The following SLC8A1 variants were observed in gnomAD, a reference collection of about 807,000 sequenced individuals.
SLC8A1 encodes solute carrier family 8 member A1.
A neutral mutation model predicts 68.3 loss-of-function variants in SLC8A1; 18 were observed. The ratio of observed to expected loss-of-function variants is 0.26; its 90% CI spans 0.18 to 0.39. The LOEUF (loss-of-function observed/expected upper bound fraction) is 0.39, where lower values mean the gene tolerates loss of function less well. Among genes scored for constraint, SLC8A1 ranks in the 10% least tolerant of loss-of-function variants. The probability of loss-of-function intolerance (pLI) is 1.00; values close to 1 mark genes in which losing one functional copy is unlikely to be tolerated. For missense variants in SLC8A1, 985 were observed against 1,156.7 expected (o/e 0.85, Z 2.15); for synonymous variants, 475 against 415.5 (o/e 1.14, Z -1.74).
chr2:40,321,508 C>A (rs1172923038), intron 2 of SLC8A1, among the ~76,000 whole-genome samples: 4 of 151,970 alleles, frequency 2.6e-5, no homozygotes, highest in Non-Finnish European at 4.4e-5. Flanking sequence ...TAAAGACATA[C>A]CCGAGACTGG....
intron 2 of SLC8A1, among the ~76,000 whole-genome samples, chr2:40,198,416 G>C (rs2053499573): frequency 6.6e-6 from 1 of 151,890 alleles, no homozygotes; most frequent in African/African-American, 2.4e-5. Context: ...TATTTATTTA[G>C]TGTGCTCTCT....
At chr2:40,358,839 T>C (rs898022105) in intron 2 of SLC8A1, among the ~76,000 whole-genome samples, 2 of 152,182 alleles carry the variant, frequency 1.3e-5, no homozygotes, top group Non-Finnish European at 2.9e-5. Context: ...CACTGAAGCG[T>C]GCACTCTGAA....
At chr2:40,320,299 G>C (rs187854914) in intron 2 of SLC8A1, among the ~76,000 whole-genome samples, 295 of 151,858 alleles carry the variant, frequency 1.9e-3, no homozygotes, top group African/African-American at 6.7e-3. Flanking sequence ...TTAAAATATA[G>C]ATTAAATATT....
intron 1 of SLC8A1, among the ~76,000 whole-genome samples, chr2:40,459,248 G>A (rs995425247): frequency 1.3e-5 from 2 of 152,170 alleles, no homozygotes; most frequent in African/African-American, 4.8e-5. Context: ...GAATAGAAAG[G>A]TTTAGGGAAA....
rs1011073451 is a variant in SLC8A1 at position 40,359,251 on chromosome 2, A to G, written c.1808+69222T>C. ...TCTCTCAATTTCATACATCGATTAC[A>G]TACTGAAATGACATTTTGGACATTT... On this transcript the variant is annotated intron_variant, in intron 2 of 7. Coordinates refer to ENST00000406785, the Ensembl canonical transcript of SLC8A1. Among the ~76,000 whole-genome samples the G allele has an allele frequency of 4.6e-5, 7 of 152,168 alleles. 1 individual carries two copies. The highest frequency in any genetic ancestry group is 2.6e-4 in the Admixed American group (4 of 15,266).
chr2:40,313,561 T>C (rs1006131522), intron 2 of SLC8A1, among the ~76,000 whole-genome samples: 12 of 151,998 alleles, frequency 7.9e-5, no homozygotes, highest in African/African-American at 2.2e-4. Context: ...TTTATAAATA[T>C]TTGGTGTGGT....
intron 6 of SLC8A1, among the ~76,000 whole-genome samples, chr2:40,157,559 C>T (rs2044783078): frequency 6.6e-6 from 1 of 152,188 alleles, no homozygotes; most frequent in Non-Finnish European, 1.5e-5. Context: ...TCTTCTCTGA[C>T]ACACTTGTTT....
At chr2:40,500,744 A>G (rs532607375) in intron 1 of SLC8A1, among the ~76,000 whole-genome samples, 20 of 145,964 alleles carry the variant, frequency 1.4e-4, no homozygotes, top group Non-Finnish European at 2.1e-4. Flanking sequence ...AATTGTTCTG[A>G]TAATCAATTA....
At chr2:40,273,787 A>G (rs560060966) in intron 2 of SLC8A1, among the ~76,000 whole-genome samples, 1 of 152,184 alleles carries the variant, frequency 6.6e-6, no homozygotes, top group East Asian at 1.9e-4. Context: ...AACTCCCGAT[A>G]AGGCACTCAC....
intron 1 of SLC8A1, among the ~76,000 whole-genome samples, chr2:40,510,218 G>C (rs894605335): frequency 1.3e-5 from 2 of 152,054 alleles, no homozygotes; most frequent in African/African-American, 4.8e-5. Flanking sequence ...AGATTTTCTA[G>C]ATGTATAGTC....
At chr2:40,137,241 AG>A (rs2040676200) in intron 7 of SLC8A1, among the ~76,000 whole-genome samples, 1 of 152,238 alleles carries the variant, frequency 6.6e-6, no homozygotes, top group Non-Finnish European at 1.5e-5. Flanking sequence ...ATTTAGAAAA[AG>A]CCAGCTTGAG....
intron 1 of SLC8A1, among the ~76,000 whole-genome samples, chr2:40,446,908 A>T (rs908632724): frequency 3.3e-5 from 5 of 152,234 alleles, no homozygotes; most frequent in Admixed American, 1.3e-4. Context: ...ATTCTTTGAA[A>T]AGCCAAGCAC....
At chr2:40,115,268 G>A (rs1353233871) in exon 8 of SLC8A1, 1 of 1,609,956 alleles carries the variant, frequency 6.2e-7, no homozygotes, top group Non-Finnish European at 8.5e-7. Flanking sequence ...AGCCTTTTAT[G>A]TGGCAGTAGG....
chr2:40,335,611 T>A (rs1035488109), intron 2 of SLC8A1, among the ~76,000 whole-genome samples: 6 of 152,240 alleles, frequency 3.9e-5, no homozygotes, highest in African/African-American at 1.4e-4. Context: ...AATACAAAAA[T>A]ATCTATGCTA....
chr2:40,125,502 G>A (rs540433701), intron 7 of SLC8A1, among the ~76,000 whole-genome samples: 41 of 152,116 alleles, frequency 2.7e-4, no homozygotes, highest in South Asian at 6.2e-4. Context: ...GTTAAGCATT[G>A]AAGAACTGCA....
At chr2:40,116,541 CTA>C (rs1403522387) in intron 7 of SLC8A1, among the ~76,000 whole-genome samples, 1 of 152,060 alleles carries the variant, frequency 6.6e-6, no homozygotes, top group African/African-American at 2.4e-5. Context: ...CAATTCCCAC[CTA>C]TGAGTGAGAA....
intron 2 of SLC8A1, among the ~76,000 whole-genome samples, chr2:40,348,878 C>G (rs1575596533): frequency 6.6e-6 from 1 of 152,238 alleles, no homozygotes; most frequent in East Asian, 1.9e-4. Context: ...CAGGAATGGG[C>G]CTTCATGTTG....
chr2:40,342,634 A>T (rs1668057280), intron 2 of SLC8A1, among the ~76,000 whole-genome samples: 1 of 152,160 alleles, frequency 6.6e-6, no homozygotes, highest in Non-Finnish European at 1.5e-5. Flanking sequence ...GTTTATGATG[A>T]CAAGGAATTT....
chr2:40,275,434 TCTAC>T (rs1333367468), intron 2 of SLC8A1, among the ~76,000 whole-genome samples: 2 of 152,338 alleles, frequency 1.3e-5, no homozygotes, highest in East Asian at 3.9e-4. Flanking sequence ...AACAAACTGC[TCTAC>T]CTATGAAGAA....
Sources: gnomAD v4.1 joint callset for allele counts (sites outside exome capture counted in the v4.1 genomes callset) on GRCh38, gnomAD v4.1.1 for gene constraint, MANE v1.5 for transcripts, NCBI Gene and HGNC (gene_info 2026-07-23, HGNC 2026-07-21) for gene names.